PDLIM3: variants seen among roughly 807,000 people sequenced by gnomAD.
PDLIM3 encodes PDZ and LIM domain protein 3.
PDLIM3 carries 36 observed loss-of-function variants against 37.3 expected under a neutral mutation model. That is an observed-to-expected ratio of 0.97 (90% CI 0.74 to 1.28). The LOEUF is 1.28. Ranked by LOEUF, PDLIM3 falls within the 50% of genes most tolerant of loss-of-function variation. PDLIM3 has a pLI of 0.00. For missense variants in PDLIM3, 454 were observed against 485.0 expected, an observed-to-expected ratio of 0.94 and a Z score of 0.60; for synonymous variants, 174 against 182.4, an observed-to-expected ratio of 0.95 and a Z score of 0.37.
At chr4:185,524,308 T>TG (rs1458439533) in intron 2 of PDLIM3, among the ~76,000 whole-genome samples, 1 of 152,186 alleles carries the variant, frequency 6.6e-6, no homozygotes, top group Admixed American at 6.5e-5. Context: ...GGCAGATTGG[T>TG]GGATTGATTG....
At position 185,504,537 on chromosome 4, in the gene PDLIM3, G is replaced by A. The variant is rs1463970960; in HGVS notation, c.843C>T (p.Val281=). ...TRSVRAPVTK[V]HGGSGGAQRM... is the part of the protein sequence containing the mutation. Reference sequence around the variant, plus strand: ...TCTGTGCCCCGCCTGAACCGCCATGGACTTTCGTCACCGGAGCTCTCACAC... The same window carrying A: ...TCTGTGCCCCGCCTGAACCGCCATGAACTTTCGTCACCGGAGCTCTCACAC... The change falls in exon 7 of 8, where the codon GTC becomes GTT. Residue 281 remains valine (V), a synonymous_variant. Coordinates refer to ENST00000284767, the MANE Select transcript of PDLIM3 (RefSeq NM_014476.6). The surrounding 1 kb of genome is among the most constrained non-coding windows in gnomAD (Gnocchi z 4.7). 1 of 1,614,040 alleles carries A rather than the reference G, an allele frequency of 6.2e-7. No individual in the cohort carries two copies. Among genetic ancestry groups the A allele is most frequent in the Admixed American group, 1.7e-5 (1 of 59,996 alleles).
chr4:185,523,870 G>A (rs926172467), intron 2 of PDLIM3, among the ~76,000 whole-genome samples: 3 of 151,640 alleles, frequency 2.0e-5, no homozygotes, highest in East Asian at 1.9e-4. Flanking sequence ...CGCCCAGTTC[G>A]GCCTCCCAAA....
chr4:185,530,260 T>C (rs749638222), intron 1 of PDLIM3, among the ~76,000 whole-genome samples: 5 of 152,274 alleles, frequency 3.3e-5, no homozygotes, highest in African/African-American at 4.8e-5. Context: ...TGGAAAAGAA[T>C]TGCATTCCAT....
At chr4:185,513,029 T>C in intron 4 of PDLIM3, 1 of 985,448 alleles carries the variant, frequency 1.0e-6, no homozygotes, top group Non-Finnish European at 1.2e-6. Flanking sequence ...GATTCCTTTA[T>C]CCAGTGAGCA....
At chr4:185,529,869 G>A (rs1405918854) in intron 1 of PDLIM3, among the ~76,000 whole-genome samples, 2 of 152,126 alleles carry the variant, frequency 1.3e-5, no homozygotes, top group African/African-American at 4.8e-5. Context: ...ATTCCCATCT[G>A]GGTCCGCCTC....
chr4:185,531,082 C>T lies in PDLIM3; in HGVS notation c.93+4260G>A, dbSNP rs2095743716. 2.0e-5 allele frequency among the ~76,000 whole-genome samples: 3 copies of T among 151,954 alleles called. No homozygotes were observed. The South Asian group carries it at 6.2e-4, about 32-fold the overall frequency. On this transcript the variant is annotated intron_variant, in intron 1 of 7. Transcript: ENST00000284767. ...AACCATTGGGGGTCTTGGAATGTGTCCCCTGTGGATGAGAGGGGATTACTA... is the reference window on the plus strand; with the variant it reads ...AACCATTGGGGGTCTTGGAATGTGTTCCCTGTGGATGAGAGGGGATTACTA...
chr4:185,503,575 C>T (rs2095691104), intron 7 of PDLIM3, among the ~76,000 whole-genome samples: 1 of 152,220 alleles, frequency 6.6e-6, no homozygotes, highest in Non-Finnish European at 1.5e-5. Context: ...GGGGACGTGG[C>T]CACATGGCAC....
At chr4:185,502,551 C>T (rs1403350522) in intron 7 of PDLIM3, 68 bp from the exon 8 acceptor site, 3 of 1,428,696 alleles carry the variant, frequency 2.1e-6, no homozygotes, top group Non-Finnish European at 3.0e-6. Flanking sequence ...AAGGAGAGAA[C>T]CCAACAGAGA....
chr4:185,512,602 T>C, intron 4 of PDLIM3: 1 of 929,490 alleles, frequency 1.1e-6, no homozygotes, highest in Non-Finnish European at 1.3e-6. Context: ...TCCTGACTTT[T>C]TATAAAATTA....
Position 185,501,850 on chromosome 4 carries a change from GCAC to G in PDLIM3, c.*441_*443del, listed in dbSNP as rs1484217388. ...AATTCAGGGAATTTCTCCCTAACAT[GCAC>G]TGTAATAGTTAAAACACATACAGAC... On this transcript the variant is annotated 3_prime_UTR_variant, in exon 8 of 8. Transcript: ENST00000284767. 1 of 193,684 alleles carries G rather than the reference GCAC, an allele frequency of 5.2e-6. No homozygotes were observed. The highest frequency in any genetic ancestry group is 1.1e-5 in the Non-Finnish European group (1 of 92,764). 12.0% of individuals were successfully genotyped at this position (193,684 alleles called of 1,614,324 possible). A position where few individuals can be genotyped will look rare whatever the true frequency, so the allele number is the denominator to read the frequency against.
chr4:185,513,062 T>C, intron 4 of PDLIM3: 1 of 985,356 alleles, frequency 1.0e-6, no homozygotes, highest in South Asian at 4.7e-5. Context: ...TTATTTTGTC[T>C]GTTTGTAGAT....
chr4:185,503,494 G>A lies in PDLIM3; in HGVS notation c.905+981C>T, dbSNP rs530297343. Among the ~76,000 whole-genome samples, 3 of 152,298 alleles carry A rather than the reference G, an allele frequency of 2.0e-5. No individual in the cohort carries two copies. In the South Asian group the frequency reaches 6.2e-4, roughly 32 times the overall value. ...TTATCCCCCACTGCCTTCTTGGGATGTATCCTGGCTAACCGGACAGAGGAC... is the reference window on the plus strand; with the variant it reads ...TTATCCCCCACTGCCTTCTTGGGATATATCCTGGCTAACCGGACAGAGGAC... On this transcript the variant is annotated intron_variant, in intron 7 of 7. Coordinates refer to ENST00000284767, the MANE Select transcript of PDLIM3 (RefSeq NM_014476.6).
chr4:185,535,293 G>A, intron 1 of PDLIM3, 49 bp downstream of exon 1: 3 of 1,500,754 alleles, frequency 2.0e-6, no homozygotes, highest in African/African-American at 1.4e-5. Context: ...CCCCCCGGAC[G>A]CCGCCGGAGT....
Position 185,502,253 on chromosome 4 carries a change from G to A in PDLIM3, c.*41C>T, listed in dbSNP as rs942451918. 2.1e-5 allele frequency: 34 copies of A among 1,589,018 alleles called. No individual in the cohort carries two copies. The highest frequency in any genetic ancestry group is 3.5e-4 in the Middle Eastern group (2 of 5,786). On this transcript the variant is annotated 3_prime_UTR_variant, in exon 8 of 8. Transcript: ENST00000284767. ...CATGAATGTCTTCTCGTGTAAGTGC[G>A]CGTGGGTGGGTGCGTGCGTGCGTGC...
chr4:185,513,760 C>T, intron 4 of PDLIM3: 4 of 1,029,186 alleles, frequency 3.9e-6, no homozygotes, highest in Non-Finnish European at 4.7e-6. Context: ...ATTTTCTTTC[C>T]CCTTAGGTTG....
intron 1 of PDLIM3, among the ~76,000 whole-genome samples, chr4:185,533,368 T>G (rs2095748071): frequency 6.6e-6 from 1 of 152,208 alleles, no homozygotes; most frequent in Admixed American, 6.5e-5. Flanking sequence ...TTCTTATCAT[T>G]TCAGTGAAAA....
chr4:185,505,362 G>A (rs990169647), intron 6 of PDLIM3, among the ~76,000 whole-genome samples: 2 of 152,190 alleles, frequency 1.3e-5, no homozygotes, highest in Non-Finnish European at 2.9e-5. Context: ...GGTGGCTCAC[G>A]CCTGTAATCC....
chr4:185,523,269 C>A, intron 3 of PDLIM3, 93 bp downstream of exon 3: 3 of 832,390 alleles, frequency 3.6e-6, no homozygotes, highest in East Asian at 2.5e-5. Context: ...GTGGCTTGTT[C>A]CAATTTTTCT....
chr4:185,509,752 G>T (rs2095703754), intron 4 of PDLIM3, among the ~76,000 whole-genome samples: 1 of 152,134 alleles, frequency 6.6e-6, no homozygotes, highest in African/African-American at 2.4e-5. Flanking sequence ...ATTGTCTCTG[G>T]TCTCAAGTAT....
Sources: allele counts gnomAD v4.1 joint callset (sites outside exome capture counted in the v4.1 genomes callset), GRCh38; gene constraint gnomAD v4.1.1; non-coding constraint Gnocchi (gnomAD v3.1); transcripts MANE v1.5; gene names NCBI Gene and HGNC (gene_info 2026-07-23, HGNC 2026-07-21).